Variants in REV3L observed in about 807,000 individuals in gnomAD.
REV3L encodes REV3 like, DNA directed polymerase zeta catalytic subunit.
A neutral mutation model predicts 299.4 loss-of-function variants in REV3L; 69 were observed. The ratio of observed to expected loss-of-function variants is 0.23; its 90% CI spans 0.19 to 0.28. The LOEUF is 0.28. Among genes scored for constraint, REV3L ranks in the 10% least tolerant of loss-of-function variants. The pLI is 1.00. For missense variants in REV3L, 3,128 were observed against 3,693.8 expected (o/e 0.85, Z 3.97); for synonymous variants, 1,238 against 1,271.4 (o/e 0.97, Z 0.56).
intron 1 of REV3L, chr6:111,460,491 ATCTTT>A (rs1790636715): frequency 6.6e-6 from 1 of 152,114 alleles, no homozygotes; most frequent in Non-Finnish European, 1.5e-5. Context: ...GTAGAGTGAC[ATCTTT>A]TAAGTACTGA....
At chr6:111,358,498 C>T (rs1778322399) in intron 17 of REV3L, among the ~76,000 whole-genome samples, 1 of 152,034 alleles carries the variant, frequency 6.6e-6, no homozygotes, top group Admixed American at 6.5e-5. Context: ...GTTACCCAGG[C>T]TGGAATGCAG....
chr6:111,356,995 C>T lies in REV3L; in HGVS notation c.7184+19G>A. The T allele has an allele frequency of 7.5e-7, 1 of 1,332,880 alleles. No homozygotes were observed. The highest frequency in any genetic ancestry group is 1.0e-6 in the Non-Finnish European group (1 of 955,424). The allele number at this position is 1,332,880 out of a possible 1,614,324, so 82.6% of individuals were successfully genotyped here. ...ACTCTCTGAATAAAACTGGAAAAAT[C>T]AGATATACAAAACAATACCTCTTTA... On this transcript the variant is annotated intron_variant, in intron 18 of 31. Transcript: ENST00000368802.
At chr6:111,394,967 G>C (rs1217135694) in intron 4 of REV3L, among the ~76,000 whole-genome samples, 1 of 152,106 alleles carries the variant, frequency 6.6e-6, no homozygotes, top group Non-Finnish European at 1.5e-5. Flanking sequence ...GTTGAGATTA[G>C]AAGAGTAAGC....
At chr6:111,465,745 C>CAAAAAAAAAAAAAAAAAAAAA (rs376561912) in intron 1 of REV3L, among the ~76,000 whole-genome samples, 4 of 76,806 alleles carry the variant, frequency 5.2e-5, no homozygotes, top group South Asian at 6.1e-4. Context: ...AAACAAAAAC[C>CAAAAAAAAAAAAAAAAAAAAA]AAAAAAAAAA....
chr6:111,315,565 T>C (rs1052948361), intron 26 of REV3L, 184 bp from the exon 27 acceptor site: 7 of 574,790 alleles, frequency 1.2e-5, no homozygotes, highest in Admixed American at 1.2e-4. Context: ...TGTACTTATA[T>C]CTTGTTACAA....
At chr6:111,476,350 T>C (rs770590561) in intron 1 of REV3L, among the ~76,000 whole-genome samples, 21 of 152,094 alleles carry the variant, frequency 1.4e-4, no homozygotes, top group Non-Finnish European at 2.4e-4. Flanking sequence ...AGAGATAGCG[T>C]CTTTCCATGT....
At chr6:111,483,589 T>A (rs1395465501), upstream of REV3L, 1 of 461,078 alleles carries the variant, frequency 2.2e-6, no homozygotes, top group South Asian at 1.6e-5. Flanking sequence ...GCTGCGATGC[T>A]CACACTTGCC....
chr6:111,444,787 G>A (rs1299558621), intron 1 of REV3L, among the ~76,000 whole-genome samples: 1 of 152,056 alleles, frequency 6.6e-6, no homozygotes, highest in African/African-American at 2.4e-5. Flanking sequence ...TTATTTGAAA[G>A]GAAAAAAATG....
intron 9 of REV3L, among the ~76,000 whole-genome samples, chr6:111,386,423 T>C (rs1208270437): frequency 1.3e-5 from 2 of 152,118 alleles, no homozygotes; most frequent in Non-Finnish European, 2.9e-5. Context: ...CTAGGATGGC[T>C]ACATTAAAAA....
intron 26 of REV3L, among the ~76,000 whole-genome samples, chr6:111,320,623 G>C (rs1035737073): frequency 1.4e-4 from 22 of 152,232 alleles, no homozygotes; most frequent in African/African-American, 5.1e-4. Flanking sequence ...GTTGTGAATT[G>C]CTCTCATACA....
intron 1 of REV3L, among the ~76,000 whole-genome samples, chr6:111,422,658 A>C (rs1030266781): frequency 2.7e-5 from 1 of 37,526 alleles, no homozygotes; most frequent in African/African-American, 5.6e-5. Flanking sequence ...ACATATATAT[A>C]TATACATATA....
intron 16 of REV3L, among the ~76,000 whole-genome samples, chr6:111,363,382 T>G (rs1362120675): frequency 1.3e-5 from 2 of 152,124 alleles, no homozygotes. Flanking sequence ...CACAGCTCAC[T>G]GCACCCTCGA....
intron 1 of REV3L, among the ~76,000 whole-genome samples, chr6:111,456,011 T>C (rs541212081): frequency 2.0e-4 from 31 of 152,334 alleles, no homozygotes; most frequent in African/African-American, 6.7e-4. Context: ...AAATAGCTGA[T>C]ATTCAGTAAT....
In REV3L at chr6:111,482,982, CT is replaced by C. The variant is rs943694727; in HGVS notation, c.-95del. The C allele has an allele frequency of 1.2e-5, 16 of 1,376,146 alleles. No individual in the cohort carries two copies. The African/African-American group carries it at 2.3e-4, about 20-fold the overall frequency. The allele number at this position is 1,376,146 out of a possible 1,614,324, so 85.2% of individuals were successfully genotyped here. ...CCCTCCGCAGCGGCGGCGGCGCCCC[CT>C]CCCCTTCTCGGCACGGCCCCCTCCC... On this transcript the variant is annotated 5_prime_UTR_variant, in exon 1 of 32. Coordinates refer to ENST00000368802, the MANE Select transcript of REV3L (RefSeq NM_001372078.1).
intron 21 of REV3L, among the ~76,000 whole-genome samples, chr6:111,342,760 A>C (rs1776653634): frequency 6.6e-6 from 1 of 152,118 alleles, no homozygotes. Context: ...CCTTGCAGAG[A>C]GTAAAAAGTG....
intron 26 of REV3L, among the ~76,000 whole-genome samples, chr6:111,321,269 A>G (rs1251833798): frequency 1.3e-5 from 2 of 152,154 alleles, no homozygotes; most frequent in Non-Finnish European, 2.9e-5. Context: ...TGAGTCTATT[A>G]TTTTTTGTAG....
chr6:111,335,580 A>C lies in REV3L; in HGVS notation c.7569T>G (p.Arg2523=), dbSNP rs1156466537. 1 of 1,611,024 alleles carries C rather than the reference A, an allele frequency of 6.2e-7. No homozygotes were observed. The highest frequency in any genetic ancestry group is 8.5e-7 in the Non-Finnish European group (1 of 1,178,538). The change falls in exon 22 of 32, where the codon CGT becomes CGG. Residue 2523 remains arginine, a synonymous_variant. Coordinates refer to ENST00000368802, the MANE Select transcript of REV3L (RefSeq NM_001372078.1). ...RWKMVDHYVS[R]VRGNLQMLEQ... is the part of the protein sequence containing the mutation. Reference sequence around the variant, plus strand: ...CTAACATTTGGAGATTTCCACGGACACGGCTAACATAATGATCAACCATTT... The same window carrying C: ...CTAACATTTGGAGATTTCCACGGACCCGGCTAACATAATGATCAACCATTT...
At chr6:111,463,338 C>T (rs993652378) in intron 1 of REV3L, among the ~76,000 whole-genome samples, 2 of 151,948 alleles carry the variant, frequency 1.3e-5, no homozygotes, top group African/African-American at 4.8e-5. Flanking sequence ...CAAAACTGTC[C>T]GAAGAGAAGA....
At chr6:111,392,312 A>G (rs945010616) in intron 5 of REV3L, among the ~76,000 whole-genome samples, 3 of 152,188 alleles carry the variant, frequency 2.0e-5, no homozygotes, top group African/African-American at 7.2e-5. Context: ...GCACCAGTAG[A>G]CAGAAAATGT....
Sources: gnomAD v4.1 joint callset for allele counts (sites outside exome capture counted in the v4.1 genomes callset) on GRCh38, gnomAD v4.1.1 for gene constraint, MANE v1.5 for transcripts, NCBI Gene and HGNC (gene_info 2026-07-23, HGNC 2026-07-21) for gene names.